FIGNL2: variants seen among roughly 807,000 people sequenced by gnomAD.
The protein encoded by FIGNL2 is fidgetin like 2, also known as fidgetin-like protein 2.
For synonymous variants in FIGNL2, 565 were observed against 484.0 expected (o/e 1.17, Z -2.20); for missense variants, 1,060 against 950.2 (o/e 1.12, Z -1.52).
intron 1 of FIGNL2, chr12:51,847,620 C>T: frequency 2.0e-6 from 2 of 985,358 alleles, no homozygotes; most frequent in Non-Finnish European, 2.4e-6. Context: ...GGGTCCAGGC[C>T]GCGCGCTCTC....
At chr12:51,822,527 C>T in intron 1 of FIGNL2, 103 bp from the exon 2 acceptor site, 1 of 1,399,278 alleles carries the variant, frequency 7.1e-7, no homozygotes. Flanking sequence ...CTTGGACAGG[C>T]TGGGCTTCCG....
intron 1 of FIGNL2, chr12:51,844,938 A>G (rs1402960263): frequency 9.7e-6 from 9 of 932,164 alleles, no homozygotes; most frequent in East Asian, 1.2e-4. Context: ...AGGTCAGGAA[A>G]CCCAGGCTGC....
intron 1 of FIGNL2, chr12:51,825,745 T>C (rs1939328440): frequency 6.6e-6 from 1 of 151,372 alleles, no homozygotes; most frequent in Admixed American, 6.6e-5. Flanking sequence ...GCCTCCCGAG[T>C]AGCTGGGACT....
At chr12:51,822,560 C>G (rs1939246551) in intron 1 of FIGNL2, 136 bp from the exon 2 acceptor site, 3 of 907,008 alleles carry the variant, frequency 3.3e-6, no homozygotes, top group Non-Finnish European at 3.4e-6. Context: ...TACCGCCCCA[C>G]TCTCTTGGGG....
At chr12:51,838,581 CAA>C (rs1939613622) in intron 1 of FIGNL2, among the ~76,000 whole-genome samples, 1 of 152,130 alleles carries the variant, frequency 6.6e-6, no homozygotes, top group Non-Finnish European at 1.5e-5. Flanking sequence ...AGATGTGGGA[CAA>C]TGTCTTGATC....
intron 1 of FIGNL2, chr12:51,847,148 G>T (rs1939768971): frequency 1.0e-6 from 1 of 985,294 alleles, no homozygotes; most frequent in East Asian, 1.1e-4. Context: ...AGCGGGGAAT[G>T]GCGTCGGTTC....
At chr12:51,848,389 G>T in intron 1 of FIGNL2, 151 bp downstream of exon 1, 1 of 982,178 alleles carries the variant, frequency 1.0e-6, no homozygotes, top group Non-Finnish European at 1.2e-6. Context: ...CGCCGGCCCT[G>T]CCCTCCGACC....
In FIGNL2 at chr12:51,821,777, G is replaced by A; in HGVS notation, c.637C>T (p.Gln213Ter). 7.8e-7 allele frequency: 1 copy of A among 1,279,156 alleles called. No homozygotes were observed. The highest frequency in any genetic ancestry group is 9.8e-7 in the Non-Finnish European group (1 of 1,019,396). The allele number at this position is 1,279,156 out of a possible 1,614,324, so 79.2% of individuals were successfully genotyped here. The change falls in exon 2 of 2, where the codon CAG becomes TAG. Residue 213 changes from glutamine (Q) to a stop codon, truncating the protein, a stop_gained. Coordinates refer to ENST00000618634, the MANE Select transcript of FIGNL2 (RefSeq NM_001384995.1). LOFTEE classifies it low-confidence loss of function (END_TRUNC). ...GGCGGGAGCGCGCCATAGCCGGGCT[G>A]CGCTGCGTAGCCCCCTGCGGGATAG... ...YNYPAGGYAA[Q>*]PGYGALPPPP... is the part of the protein sequence containing the mutation.
intron 1 of FIGNL2, chr12:51,845,460 G>GC (rs35845683): frequency 0.055 from 51,373 of 931,932 alleles, 633 homozygotes; most frequent in East Asian, 0.13. Flanking sequence ...GTGGCTCACC[G>GC]CCCCCCCCCC....
intron 1 of FIGNL2, chr12:51,848,104 G>T: frequency 1.0e-6 from 1 of 982,286 alleles, no homozygotes; most frequent in Non-Finnish European, 1.2e-6. Flanking sequence ...CACAGGGGCC[G>T]CTGGACAAAG....
intron 1 of FIGNL2, chr12:51,824,506 A>G (rs1339751160): frequency 1.3e-5 from 2 of 152,216 alleles, no homozygotes; most frequent in African/African-American, 4.8e-5. Context: ...TAGCTTAAAA[A>G]GGAAGGTATG....
At position 51,820,838 on chromosome 12, in the gene FIGNL2, C is replaced by G. The variant is rs1592183485; in HGVS notation, c.1576G>C (p.Ala526Pro). ...GTGCCCACAACCAGCACGCCGTCAG[C>G]CCCCGCGCCGCAGCCCCCGTCCAGG... ...ACLDGGCGAG[A>P]DGVLVVGTTS... Residue 526 changes from alanine (A) to proline (P), a missense_variant, in exon 2 of 2, where the codon GCT becomes CCT. Ala to Pro is a conservative substitution (Grantham distance 27). Transcript: ENST00000618634. 8 of 1,459,440 alleles carry G rather than the reference C, an allele frequency of 5.5e-6. No homozygotes were observed. The highest frequency in any genetic ancestry group is 3.1e-5 in the East Asian group (1 of 32,764). The allele number at this position is 1,459,440 out of a possible 1,614,324, so 90.4% of individuals were successfully genotyped here. A position where few individuals can be genotyped will look rare whatever the true frequency, so the allele number is the denominator to read the frequency against.
At chr12:51,844,994 T>A (rs1939720584) in intron 1 of FIGNL2, 1 of 515,304 alleles carries the variant, frequency 1.9e-6, no homozygotes, top group African/African-American at 2.1e-5. Flanking sequence ...TGGACTGGGG[T>A]GAGGGTTTCT....
At chr12:51,826,179 CA>C (rs199832676) in intron 1 of FIGNL2, among the ~76,000 whole-genome samples, 2 of 148,238 alleles carry the variant, frequency 1.3e-5, no homozygotes, top group Non-Finnish European at 3.0e-5. Context: ...CCGCCCCCCC[CA>C]CACAGTTAGC....
In FIGNL2 at chr12:51,822,178, G is replaced by A. The variant is rs140112751; in HGVS notation, c.236C>T (p.Ala79Val). ...GGAGGCGTCGCTGTACCCGCCCAGG[G>A]CCGGACGCTCGTAGGGAGAATCCAA... is the stretch of plus-strand genomic sequence containing the variant. ...GVLDSPYERP[A>V]LGGYSDASFL... Residue 79 changes from alanine (A) to valine (V), a missense_variant, in exon 2 of 2, where the codon GCC (alanine) becomes GTC (valine). Ala to Val is a moderately conservative substitution (Grantham distance 64). Transcript: ENST00000618634. 1.2e-3 allele frequency: 2,002 copies of A among 1,611,736 alleles called. 20 individuals carry two copies. In the African/African-American group the frequency reaches 0.023, roughly 19 times the overall value.
Position 51,821,187 on chromosome 12 carries a change from C to A in FIGNL2, c.1227G>T (p.Val409=). ...AGGCGGGCGGCCTGAGCAGGGGCCACACCAGCTCCTCCTCCAGCGCCGCCT... is the reference window on the plus strand; with the variant it reads ...AGGCGGGCGGCCTGAGCAGGGGCCAAACCAGCTCCTCCTCCAGCGCCGCCT... ...ALKAALEEEL[V]WPLLRPPAYP... is the part of the protein sequence containing the mutation. The change falls in exon 2 of 2, where the codon GTG becomes GTT. Residue 409 remains valine (V), a synonymous_variant. Coordinates refer to ENST00000618634, the MANE Select transcript of FIGNL2 (RefSeq NM_001384995.1). 1 of 1,517,148 alleles carries A rather than the reference C, an allele frequency of 6.6e-7. No individual in the cohort carries two copies. The highest frequency in any genetic ancestry group is 1.2e-5 in the South Asian group (1 of 82,738). The allele number at this position is 1,517,148 out of a possible 1,614,324, so 94.0% of individuals were successfully genotyped here.
rs1279318569 is a variant in FIGNL2 at position 51,820,502 on chromosome 12, C to T, written c.1912G>A (p.Glu638Lys). 2 of 1,584,892 alleles carry T rather than the reference C, an allele frequency of 1.3e-6. No individual in the cohort carries two copies. The highest frequency in any genetic ancestry group is 2.3e-5 in the East Asian group (1 of 44,136). Residue 638 changes from glutamate (E) to lysine (K), a missense_variant, in exon 2 of 2, where the codon GAA becomes AAA. Transcript: ENST00000618634. ...AKVGPRASAKELDSFVEWDKM... is the reference protein window; with the variant it reads ...AKVGPRASAKKLDSFVEWDKM... ...TCCCACTCCACGAACGAGTCCAGTT[C>T]CTTGGCAGAGGCCCTAGGGCCCACC...
At position 51,821,150 on chromosome 12, in the gene FIGNL2, G is replaced by C. The variant is rs1047168087; in HGVS notation, c.1264C>G (p.Leu422Val). The C allele has an allele frequency of 2.0e-6, 3 of 1,471,354 alleles. No homozygotes were observed. In the African/African-American group the frequency reaches 4.5e-5, roughly 22 times the overall value. The allele number at this position is 1,471,354 out of a possible 1,614,324, so 91.1% of individuals were successfully genotyped here. A position where few individuals can be genotyped will look rare whatever the true frequency, so the allele number is the denominator to read the frequency against. Residue 422 changes from leucine (L) to valine (V), a missense_variant, in exon 2 of 2, where the codon CTG becomes GTG. Leu to Val is a conservative substitution (Grantham distance 32). Transcript: ENST00000618634. ...LLRPPAYPGS[L>V]RPPRTVLLFG... is the part of the protein sequence containing the mutation. ...AGCAGGACGGTCCGCGGCGGGCGCA[G>C]GCTGCCCGGGTAGGCGGGCGGCCTG...
At chr12:51,846,869 C>T in intron 1 of FIGNL2, 1 of 507,694 alleles carries the variant, frequency 2.0e-6, no homozygotes, top group Non-Finnish European at 2.5e-6. Flanking sequence ...ACACGAGGGT[C>T]GCTCCCGTCT....
Sources: allele counts gnomAD v4.1 joint callset (sites outside exome capture counted in the v4.1 genomes callset), GRCh38; gene constraint gnomAD v4.1.1; transcripts MANE v1.5; gene names NCBI Gene and HGNC (gene_info 2026-07-23, HGNC 2026-07-21).